Variants in PCDHGA4 observed in about 807,000 individuals in gnomAD.
PCDHGA4 encodes protocadherin gamma subfamily A, 4.
A neutral mutation model predicts 54.6 loss-of-function variants in PCDHGA4; 38 were observed. The ratio of observed to expected loss-of-function variants is 0.70; its 90% CI spans 0.54 to 0.91. PCDHGA4 has a LOEUF of 0.91. Ranked by LOEUF, PCDHGA4 falls within the 40% of genes least tolerant of loss-of-function variation. The probability of loss-of-function intolerance (pLI) is 0.00; values close to 1 mark genes in which losing one functional copy is unlikely to be tolerated. For missense variants in PCDHGA4, 1,298 were observed against 1,220.9 expected, an observed-to-expected ratio of 1.06 and a Z score of -0.94; for synonymous variants, 511 against 512.9, an observed-to-expected ratio of 1.00 and a Z score of 0.05.
At chr5:141,418,136 G>C (rs1218707482) in intron 1 of PCDHGA4, 15 of 1,613,984 alleles carry the variant, frequency 9.3e-6, no homozygotes, top group Non-Finnish European at 1.1e-5. Flanking sequence ...AATAGACCGT[G>C]AGCAAATATG....
chr5:141,375,790 A>T, intron 1 of PCDHGA4: 1 of 1,614,216 alleles, frequency 6.2e-7, no homozygotes. Context: ...CCCTCCCCAC[A>T]GACGGTTCCA....
intron 1 of PCDHGA4, among the ~76,000 whole-genome samples, chr5:141,471,071 C>T (rs1208702673): frequency 7.7e-6 from 1 of 129,696 alleles, no homozygotes; most frequent in Non-Finnish European, 1.6e-5. Context: ...TTTTTTGAGA[C>T]AGGGTCTCCC....
At chr5:141,411,567 G>A (rs1390794685) in intron 1 of PCDHGA4, 1 of 152,186 alleles carries the variant, frequency 6.6e-6, no homozygotes, top group Non-Finnish European at 1.5e-5. Context: ...CTGGGCGACA[G>A]AGTGCGACCC....
intron 1 of PCDHGA4, chr5:141,403,288 CAG>C: frequency 6.2e-7 from 1 of 1,613,878 alleles, no homozygotes; most frequent in Admixed American, 1.7e-5. Context: ...TGGTTGAAGA[CAG>C]AGTGAAACTG....
rs1554123924 is a variant in PCDHGA4, at chr5:141,431,826, T to C, written c.2515-62981T>C. 1 of 1,614,220 alleles carries C rather than the reference T, an allele frequency of 6.2e-7. No homozygotes were observed. The highest frequency in any genetic ancestry group is 8.5e-7 in the Non-Finnish European group (1 of 1,180,050). The stretch of plus-strand genomic sequence containing the variant: ...GTCCTCACCTCTCTCGCCAGCTCGG[T>C]TCCCGAAAACTCTCCCAGAGGGACA... On this transcript the variant is annotated intron_variant, in intron 1 of 3. Coordinates refer to ENST00000571252, the MANE Select transcript of PCDHGA4 (RefSeq NM_018917.4). This position sits in a 1 kb window ranked among gnomAD's most constrained non-coding sequence, Gnocchi z 4.8.
chr5:141,403,759 G>A (rs900084263), intron 1 of PCDHGA4: 2 of 1,613,794 alleles, frequency 1.2e-6, no homozygotes, highest in Non-Finnish European at 1.7e-6. Flanking sequence ...CCAGCGACCT[G>A]GATGAGGGAA....
chr5:141,404,347 C>A (rs1451476815), intron 1 of PCDHGA4: 2 of 1,613,916 alleles, frequency 1.2e-6, no homozygotes, highest in Non-Finnish European at 1.7e-6. Context: ...CGGAAAACAA[C>A]GCCAGAGGTA....
Position 141,357,623 on chromosome 5 carries a change from T to A in PCDHGA4, c.2514+2T>A, listed in dbSNP as rs1394776476. ...ACAAAAGGAGACCCTAATCTTCAGG[T>A]GAGTCAATCTTATAATAGATCATAC... On this transcript the variant is annotated splice_donor_variant, in intron 1 of 3. Transcript: ENST00000571252. LOFTEE classifies it high-confidence loss of function. 1 of 1,613,680 alleles carries A rather than the reference T, an allele frequency of 6.2e-7. No homozygotes were observed. The highest frequency in any genetic ancestry group is 1.7e-5 in the Admixed American group (1 of 60,028).
At chr5:141,383,731 A>T in intron 1 of PCDHGA4, 1 of 1,614,000 alleles carries the variant, frequency 6.2e-7, no homozygotes. Context: ...TGGGGAAGTG[A>T]CATATTCTTT....
At chr5:141,467,932 TA>T (rs1391978978) in intron 1 of PCDHGA4, among the ~76,000 whole-genome samples, 4 of 152,186 alleles carry the variant, frequency 2.6e-5, no homozygotes, top group Non-Finnish European at 4.4e-5. Flanking sequence ...ATGCTAGGAT[TA>T]CAAGCATGAG....
At chr5:141,384,392 G>A in intron 1 of PCDHGA4, 1 of 1,613,930 alleles carries the variant, frequency 6.2e-7, no homozygotes, top group Non-Finnish European at 8.5e-7. Context: ...ACCATCCAGG[G>A]GGCTCCAGTG....
intron 1 of PCDHGA4, chr5:141,366,122 T>G: frequency 6.2e-7 from 1 of 1,614,210 alleles, no homozygotes. Context: ...GGACAAAGAT[T>G]CAGGCCAGAA....
At chr5:141,470,780 T>G (rs1436746772) in intron 1 of PCDHGA4, among the ~76,000 whole-genome samples, 1 of 152,194 alleles carries the variant, frequency 6.6e-6, no homozygotes, top group Non-Finnish European at 1.5e-5. Flanking sequence ...CTTGAATTCC[T>G]GGGCTCAAGC....
chr5:141,402,867 C>T, intron 1 of PCDHGA4: 2 of 1,443,510 alleles, frequency 1.4e-6, no homozygotes, highest in Non-Finnish European at 1.8e-6. Context: ...AGGAAAAGAT[C>T]ACCATACTTT....
intron 1 of PCDHGA4, chr5:141,423,296 T>G (rs771340929): frequency 6.2e-7 from 1 of 1,614,124 alleles, no homozygotes; most frequent in Non-Finnish European, 8.5e-7. Context: ...ACCTCAGACC[T>G]CTCGCTGTAC....
chr5:141,419,584 C>G, intron 1 of PCDHGA4: 1 of 1,611,800 alleles, frequency 6.2e-7, no homozygotes. Context: ...CCGCGCTCTT[C>G]GACACAGTGC....
chr5:141,504,561 T>G (rs1023434942), intron 2 of PCDHGA4, among the ~76,000 whole-genome samples: 1 of 150,052 alleles, frequency 6.7e-6, no homozygotes, highest in Non-Finnish European at 1.5e-5. Context: ...GGGACTGGCA[T>G]TCTAGGGAAC....
At chr5:141,478,163 C>T (rs779617960) in intron 1 of PCDHGA4, 1 of 1,614,028 alleles carries the variant, frequency 6.2e-7, no homozygotes, top group Non-Finnish European at 8.5e-7. Context: ...TGGCTCTGCC[C>T]CCCGGGAGCA....
intron 1 of PCDHGA4, chr5:141,374,052 T>C (rs1770060748): frequency 1.4e-6 from 2 of 1,478,038 alleles, no homozygotes; most frequent in Non-Finnish European, 9.0e-7. Flanking sequence ...CTTCCTCTTC[T>C]TAATCCCAGA....
Sources: allele counts gnomAD v4.1 joint callset (sites outside exome capture counted in the v4.1 genomes callset), GRCh38; gene constraint gnomAD v4.1.1; non-coding constraint Gnocchi (gnomAD v3.1); transcripts MANE v1.5; gene names NCBI Gene and HGNC (gene_info 2026-07-23, HGNC 2026-07-21).